The following RERE variants were observed in gnomAD, a reference collection of about 807,000 sequenced individuals.
The protein encoded by RERE is arginine-glutamic acid dipeptide repeats, also known as arginine-glutamic acid dipeptide repeats protein.
In RERE, 40 loss-of-function variants were observed where a neutral mutation model predicts 146.1. The ratio of observed to expected loss-of-function variants is 0.27; its 90% CI spans 0.21 to 0.36. The LOEUF is 0.36. Among genes scored for constraint, RERE ranks in the 10% least tolerant of loss-of-function variants. The pLI, the probability that RERE is intolerant of heterozygous loss-of-function variation, is 1.00. For synonymous variants in RERE, 1,003 were observed against 866.0 expected, an observed-to-expected ratio of 1.16 and a Z score of -2.78; for missense variants, 1,933 against 2,138.7, an observed-to-expected ratio of 0.90 and a Z score of 1.90.
At chr1:8,481,863 A>C (rs1465681571) in intron 10 of RERE, among the ~76,000 whole-genome samples, 1 of 152,222 alleles carries the variant, frequency 6.6e-6, no homozygotes, top group Non-Finnish European at 1.5e-5. Context: ...TTATAAGCTG[A>C]GACTGCACTG....
intron 12 of RERE, among the ~76,000 whole-genome samples, chr1:8,379,712 G>A (rs564356347): frequency 2.4e-4 from 37 of 152,172 alleles, no homozygotes; most frequent in Non-Finnish European, 4.4e-4. Context: ...GGGGGCACGC[G>A]GGGGTCACTG....
At chr1:8,469,677 A>C (rs566730641) in intron 10 of RERE, among the ~76,000 whole-genome samples, 1 of 152,310 alleles carries the variant, frequency 6.6e-6, no homozygotes, top group African/African-American at 2.4e-5. Context: ...TGCTACCAGG[A>C]AATTGCTCGT....
intron 6 of RERE, 151 bp downstream of exon 6, chr1:8,556,324 A>T: frequency 1.9e-6 from 1 of 527,734 alleles, no homozygotes; most frequent in Middle Eastern, 3.4e-4. Flanking sequence ...TGCAATCTCA[A>T]CAATCCAGAG....
intron 12 of RERE, among the ~76,000 whole-genome samples, chr1:8,385,489 G>C (rs1231903909): frequency 6.6e-6 from 1 of 152,150 alleles, no homozygotes; most frequent in Non-Finnish European, 1.5e-5. Flanking sequence ...CTACCACGGA[G>C]TTTTAAATCC....
chr1:8,536,459 C>T (rs1001575149), intron 7 of RERE, among the ~76,000 whole-genome samples: 1 of 152,182 alleles, frequency 6.6e-6, no homozygotes, highest in African/African-American at 2.4e-5. Flanking sequence ...CATATAACCA[C>T]GTCCCTATGG....
intron 1 of RERE, among the ~76,000 whole-genome samples, chr1:8,724,088 A>G (rs1483817426): frequency 6.6e-6 from 1 of 152,214 alleles, no homozygotes; most frequent in African/African-American, 2.4e-5. Context: ...TATCTTTACC[A>G]AAGATATTCT....
intron 11 of RERE, chr1:8,425,689 G>GA (rs1644002224): frequency 6.6e-6 from 1 of 152,270 alleles, no homozygotes; most frequent in Non-Finnish European, 1.5e-5. Flanking sequence ...ACATCTAACA[G>GA]GTCCAGTAAA....
At chr1:8,809,635 G>T (rs1641755559) in intron 1 of RERE, among the ~76,000 whole-genome samples, 1 of 152,062 alleles carries the variant, frequency 6.6e-6, no homozygotes, top group African/African-American at 2.4e-5. Context: ...AGGTTAACTG[G>T]CATTTTTTTC....
At chr1:8,370,630 G>A (rs1028884457) in intron 12 of RERE, among the ~76,000 whole-genome samples, 1 of 152,176 alleles carries the variant, frequency 6.6e-6, no homozygotes, top group African/African-American at 2.4e-5. Flanking sequence ...ATCGGAAATG[G>A]CATATTGGTG....
intron 1 of RERE, among the ~76,000 whole-genome samples, chr1:8,691,099 T>A (rs1368740040): frequency 1.3e-5 from 2 of 152,150 alleles, no homozygotes; most frequent in Non-Finnish European, 2.9e-5. Flanking sequence ...GGTTTTACCA[T>A]GTTGGCCAGG....
At chr1:8,783,427 G>A (rs1392554988) in intron 1 of RERE, among the ~76,000 whole-genome samples, 1 of 152,196 alleles carries the variant, frequency 6.6e-6, no homozygotes, top group East Asian at 1.9e-4. Flanking sequence ...CTAGCAAATG[G>A]ATGAAGCACC....
At chr1:8,786,938 T>C (rs1279741035) in intron 1 of RERE, 2 of 704,510 alleles carry the variant, frequency 2.8e-6, no homozygotes, top group Non-Finnish European at 5.0e-6. Flanking sequence ...CCCTCCATGG[T>C]TCCAGCTGGT....
At chr1:8,508,704 A>C in intron 7 of RERE, 29 bp from the exon 8 acceptor site, 2 of 1,561,030 alleles carry the variant, frequency 1.3e-6, no homozygotes, top group Non-Finnish European at 1.8e-6. Context: ...AGATTAAGTT[A>C]GCGCAATACA....
intron 11 of RERE, among the ~76,000 whole-genome samples, chr1:8,452,238 C>A (rs138590039): frequency 6.6e-6 from 1 of 152,308 alleles, no homozygotes; most frequent in East Asian, 1.9e-4. Context: ...GCCCTGTGAG[C>A]CCCAGAACAC....
intron 1 of RERE, among the ~76,000 whole-genome samples, chr1:8,668,116 G>A (rs1207009226): frequency 1.3e-5 from 2 of 152,252 alleles, no homozygotes; most frequent in African/African-American, 4.8e-5. Flanking sequence ...AAAGGGTTAA[G>A]CATCTGTGTT....
chr1:8,359,826 T>TCTC lies in RERE; in HGVS notation c.3553_3555dup (p.Glu1185dup). The TCTC allele has an allele frequency of 3.7e-6, 6 of 1,607,898 alleles. No homozygotes were observed. The highest frequency in any genetic ancestry group is 5.1e-6 in the Non-Finnish European group (6 of 1,179,656). On this transcript the variant is annotated inframe_insertion, in exon 19 of 23. Coordinates refer to ENST00000400908, the MANE Select transcript of RERE (RefSeq NM_001042681.2). ...CGCTCCCGCTCCTTCTCCTTCTCCT[T>TCTC]CTCCCGCTCTCGCTCCTCTCGGGCT...
intron 12 of RERE, among the ~76,000 whole-genome samples, chr1:8,371,518 G>A (rs1324924389): frequency 1.3e-5 from 2 of 152,182 alleles, no homozygotes; most frequent in African/African-American, 4.8e-5. Flanking sequence ...AAAAGCTAAG[G>A]ATGCAGAGTC....
At chr1:8,555,035 G>A (rs1645989158) in intron 6 of RERE, among the ~76,000 whole-genome samples, 1 of 152,218 alleles carries the variant, frequency 6.6e-6, no homozygotes, top group Non-Finnish European at 1.5e-5. Flanking sequence ...TTCACAAGAA[G>A]TTTATAAAAC....
At chr1:8,599,105 C>A (rs934137231) in intron 4 of RERE, among the ~76,000 whole-genome samples, 2 of 152,194 alleles carry the variant, frequency 1.3e-5, no homozygotes, top group African/African-American at 4.8e-5. Context: ...CTCAGAGGCT[C>A]GCCTTCTCTT....
Sources: gnomAD v4.1 joint callset for allele counts (sites outside exome capture counted in the v4.1 genomes callset) on GRCh38, gnomAD v4.1.1 for gene constraint, MANE v1.5 for transcripts, NCBI Gene and HGNC (gene_info 2026-07-23, HGNC 2026-07-21) for gene names.